Variants in SCN8A observed in about 807,000 individuals in gnomAD.
SCN8A encodes sodium channel protein type 8 subunit alpha.
Under a neutral mutation model 184.1 loss-of-function variants are expected in SCN8A, and 30 were observed. The ratio of observed to expected loss-of-function variants is 0.16; its 90% CI spans 0.12 to 0.22. The LOEUF (loss-of-function observed/expected upper bound fraction) is 0.22. Ranked by LOEUF, SCN8A falls within the 10% of genes least tolerant of loss-of-function variation. SCN8A has a pLI of 1.00. For synonymous variants in SCN8A, 852 were observed against 907.0 expected, an observed-to-expected ratio of 0.94 and a Z score of 1.09; for missense variants, 1,057 against 2,498.9, an observed-to-expected ratio of 0.42 and a Z score of 12.30.
At chr12:51,691,795 A>C (rs1941514205) in intron 6 of SCN8A, among the ~76,000 whole-genome samples, 1 of 152,220 alleles carries the variant, frequency 6.6e-6, no homozygotes, top group South Asian at 2.1e-4. Flanking sequence ...TCTATGTTTT[A>C]GAGTTAGCAA....
intron 11 of SCN8A, among the ~76,000 whole-genome samples, chr12:51,711,495 C>A (rs1941875382): frequency 6.6e-6 from 1 of 152,202 alleles, no homozygotes; most frequent in African/African-American, 2.4e-5. Flanking sequence ...ATAACTATAA[C>A]TAGTTATAGA....
In SCN8A at chr12:51,808,619, T is replaced by C. The variant is rs1938791131; in HGVS notation, c.*1190T>C. 1 of 152,244 alleles carries C rather than the reference T, an allele frequency of 6.6e-6. No homozygotes were observed. The highest frequency in any genetic ancestry group is 1.5e-5 in the Non-Finnish European group (1 of 68,018). The allele number at this position is 152,244 out of a possible 1,614,324, so 9.4% of individuals were successfully genotyped here. A position where few individuals can be genotyped will look rare whatever the true frequency, so the allele number is the denominator to read the frequency against. On this transcript the variant is annotated 3_prime_UTR_variant, in exon 27 of 27. Coordinates refer to ENST00000627620, the MANE Select transcript of SCN8A (RefSeq NM_001330260.2). ...GTAGAGATAAAAGTGCTTTTCAAAG[T>C]AGCACCAGTTATCTCTAGGGGTAAT...
chr12:51,765,099 A>G (rs1359920576), intron 15 of SCN8A, among the ~76,000 whole-genome samples: 1 of 151,874 alleles, frequency 6.6e-6, no homozygotes, highest in Non-Finnish European at 1.5e-5. Context: ...TCATAAGATG[A>G]CTGATGTATG....
intron 1 of SCN8A, among the ~76,000 whole-genome samples, chr12:51,615,567 G>GA (rs1008589089): frequency 6.0e-5 from 9 of 149,576 alleles, no homozygotes; most frequent in African/African-American, 9.8e-5. Flanking sequence ...AAAAACAAAA[G>GA]AAAAAAAAAT....
At chr12:51,617,009 A>G (rs1380301548) in intron 1 of SCN8A, among the ~76,000 whole-genome samples, 2 of 151,526 alleles carry the variant, frequency 1.3e-5, no homozygotes, top group African/African-American at 4.8e-5. Flanking sequence ...TGTGTAATGT[A>G]TCCTTTTTCT....
At chr12:51,635,015 A>G (rs192304954) in intron 1 of SCN8A, among the ~76,000 whole-genome samples, 1 of 152,360 alleles carries the variant, frequency 6.6e-6, no homozygotes, top group African/African-American at 2.4e-5. Flanking sequence ...GATGACAAAT[A>G]GTGATTTTTC....
intron 1 of SCN8A, among the ~76,000 whole-genome samples, chr12:51,598,027 C>T (rs867589602): frequency 4.9e-4 from 74 of 152,276 alleles, no homozygotes; most frequent in Non-Finnish European, 8.4e-4. Context: ...ACCCAGAAAT[C>T]ACATTTGCTA....
chr12:51,762,464 A>G, intron 14 of SCN8A, 39 bp from the exon 15 acceptor site: 3 of 1,570,180 alleles, frequency 1.9e-6, no homozygotes, highest in Non-Finnish European at 2.6e-6. Context: ...TTCTCTTTCT[A>G]CTATTTATTT....
chr12:51,602,781 G>A (rs1939496518), intron 1 of SCN8A, among the ~76,000 whole-genome samples: 1 of 152,120 alleles, frequency 6.6e-6, no homozygotes, highest in Admixed American at 6.5e-5. Context: ...GTTCCCCTGG[G>A]ATGAGCAGGG....
At chr12:51,704,302 C>T (rs1266082333) in intron 9 of SCN8A, among the ~76,000 whole-genome samples, 1 of 152,126 alleles carries the variant, frequency 6.6e-6, no homozygotes, top group Non-Finnish European at 1.5e-5. Flanking sequence ...CCCCCACTAT[C>T]CTTTATGTCA....
At chr12:51,658,513 A>G (rs1003943366) in intron 1 of SCN8A, among the ~76,000 whole-genome samples, 3 of 152,174 alleles carry the variant, frequency 2.0e-5, no homozygotes, top group African/African-American at 7.2e-5. Context: ...TACATGCTAC[A>G]TTATGGATGA....
In SCN8A at chr12:51,788,823, C is replaced by G. The variant is rs1938162541; in HGVS notation, c.4281+75C>G. The G allele has an allele frequency of 3.2e-6, 4 of 1,250,888 alleles. No homozygotes were observed. In the East Asian group the frequency reaches 1.0e-4, roughly 32 times the overall value. The allele number at this position is 1,250,888 out of a possible 1,614,324, so 77.5% of individuals were successfully genotyped here. A position where few individuals can be genotyped will look rare whatever the true frequency, so the allele number is the denominator to read the frequency against. On this transcript the variant is annotated intron_variant, in intron 23 of 26. Coordinates refer to ENST00000627620, the MANE Select transcript of SCN8A (RefSeq NM_001330260.2). ...AAGCAGCATGGTATACCGAGCCCAC[C>G]AAGAAAGAGGAAGGGATGAAGGAAT... is the stretch of plus-strand genomic sequence containing the variant.
chr12:51,769,800 G>A (rs903357218), intron 17 of SCN8A, 68 bp from the exon 18 acceptor site: 1 of 995,086 alleles, frequency 1.0e-6, no homozygotes, highest in Non-Finnish European at 1.6e-6. Flanking sequence ...ACCAGAGGCA[G>A]AGTTCTCAGT....
At chr12:51,697,038 C>CA (rs567183376) in intron 6 of SCN8A, among the ~76,000 whole-genome samples, 109,417 of 124,062 alleles carry the variant, frequency 0.88, 48,070 homozygotes, top group East Asian at 0.97. Flanking sequence ...GAATCCGACT[C>CA]AAAAAAAAAA....
intron 1 of SCN8A, among the ~76,000 whole-genome samples, chr12:51,652,453 A>G (rs907054839): frequency 6.6e-6 from 1 of 152,006 alleles, no homozygotes; most frequent in Non-Finnish European, 1.5e-5. Context: ...TGATCAAATC[A>G]TTTTCTACTT....
chr12:51,751,735 G>A (rs898089095), intron 14 of SCN8A, 142 bp downstream of exon 14: 50 of 648,272 alleles, frequency 7.7e-5, no homozygotes, highest in Non-Finnish European at 1.2e-4. Flanking sequence ...CATATGCCAG[G>A]ACACCAGCTG....
intron 5 of SCN8A, among the ~76,000 whole-genome samples, chr12:51,688,308 T>C (rs1479971783): frequency 2.0e-5 from 3 of 152,256 alleles, no homozygotes; most frequent in African/African-American, 7.2e-5. Context: ...GATTAAGTCA[T>C]ATATACAGAC....
intron 2 of SCN8A, among the ~76,000 whole-genome samples, chr12:51,676,611 A>G (rs1449411846): frequency 6.6e-6 from 1 of 152,210 alleles, no homozygotes; most frequent in Non-Finnish European, 1.5e-5. Context: ...AAGTACATAT[A>G]TTTTGTTTAG....
At chr12:51,712,660 A>G in intron 11 of SCN8A, 1 of 817,118 alleles carries the variant, frequency 1.2e-6, no homozygotes, top group Admixed American at 1.7e-5. Flanking sequence ...TTCCTCCTTC[A>G]TTGTAACCAT....
Sources: allele counts gnomAD v4.1 joint callset (sites outside exome capture counted in the v4.1 genomes callset), GRCh38; gene constraint gnomAD v4.1.1; transcripts MANE v1.5; gene names NCBI Gene and HGNC (gene_info 2026-07-23, HGNC 2026-07-21).